ATP9B: variants seen among roughly 807,000 people sequenced by gnomAD.
The protein encoded by ATP9B is ATPase phospholipid transporting 9B.
In ATP9B, 110 loss-of-function variants were observed where a neutral mutation model predicts 146.1. The ratio of observed to expected loss-of-function variants is 0.75; its 90% CI spans 0.65 to 0.88. The LOEUF is 0.88. Among genes scored for constraint, ATP9B ranks in the 40% least tolerant of loss-of-function variants. The pLI, the probability that ATP9B is intolerant of heterozygous loss-of-function variation, is 0.00. For missense variants in ATP9B, 1,499 were observed against 1,496.4 expected, an observed-to-expected ratio of 1.00 and a Z score of -0.03; for synonymous variants, 604 against 569.7, an observed-to-expected ratio of 1.06 and a Z score of -0.86.
intron 12 of ATP9B, among the ~76,000 whole-genome samples, chr18:79,273,067 G>A (rs546059606): frequency 8.8e-4 from 134 of 152,322 alleles, no homozygotes; most frequent in African/African-American, 3.1e-3. Flanking sequence ...GCAGGTGGCC[G>A]TGCCAGTCGT....
At chr18:79,377,070 A>C (rs1309908305) in intron 29 of ATP9B, among the ~76,000 whole-genome samples, 177 bp from the exon 30 acceptor site, 1 of 152,212 alleles carries the variant, frequency 6.6e-6, no homozygotes, top group Admixed American at 6.5e-5. Flanking sequence ...TATGCAGGTC[A>C]AACAATTCTG....
intron 9 of ATP9B, among the ~76,000 whole-genome samples, chr18:79,195,838 G>C (rs2095413135): frequency 6.6e-6 from 1 of 152,196 alleles, no homozygotes; most frequent in South Asian, 2.1e-4. Context: ...AAAAGGACTA[G>C]AAGTTGATGG....
At chr18:79,174,414 T>G (rs1267935905) in intron 7 of ATP9B, among the ~76,000 whole-genome samples, 1 of 152,192 alleles carries the variant, frequency 6.6e-6, no homozygotes, top group East Asian at 1.9e-4. Flanking sequence ...TACCATAAAC[T>G]ATTGAACAGG....
intron 2 of ATP9B, among the ~76,000 whole-genome samples, chr18:79,107,500 C>T (rs191472862): frequency 3.0e-4 from 45 of 152,134 alleles, no homozygotes; most frequent in Non-Finnish European, 5.9e-4. Flanking sequence ...AGAGTGAAGA[C>T]CGAGGCCTCG....
At chr18:79,123,095 T>A (rs901168795) in intron 4 of ATP9B, among the ~76,000 whole-genome samples, 22 of 151,992 alleles carry the variant, frequency 1.4e-4, no homozygotes, top group African/African-American at 5.1e-4. Flanking sequence ...GAAAATGAAG[T>A]AAAAGGCATC....
At chr18:79,260,762 T>G (rs946005308) in intron 12 of ATP9B, among the ~76,000 whole-genome samples, 7 of 152,190 alleles carry the variant, frequency 4.6e-5, no homozygotes, top group Non-Finnish European at 1.0e-4. Context: ...AGGTCAAAAT[T>G]GGCATGAGCA....
At chr18:79,153,573 G>A (rs1299060669) in intron 6 of ATP9B, among the ~76,000 whole-genome samples, 1 of 151,990 alleles carries the variant, frequency 6.6e-6, no homozygotes, top group Non-Finnish European at 1.5e-5. Context: ...TTTTTATAAG[G>A]CAATACCTGC....
chr18:79,276,977 T>G, intron 12 of ATP9B, 77 bp from the exon 13 acceptor site: 1 of 1,558,044 alleles, frequency 6.4e-7, no homozygotes, highest in Non-Finnish European at 8.8e-7. Flanking sequence ...TGCAGTGGGT[T>G]TTATCTGGCA....
In ATP9B at chr18:79,334,737, C is replaced by T. The variant is rs559402313; in HGVS notation, c.2029-1891C>T. Among the ~76,000 whole-genome samples, 423 of 152,210 alleles carry T rather than the reference C, an allele frequency of 2.8e-3. 4 individuals are homozygous for T. The highest frequency in any genetic ancestry group is 9.6e-3 in the African/African-American group (399 of 41,522). On this transcript the variant is annotated intron_variant, in intron 17 of 29. Transcript: ENST00000426216. Reference sequence around the variant, plus strand: ...CTAAGTCCTACACACGCCTGGCCCCCAGGAGACCCACCGGCGCCCTCCCTC... The same window carrying T: ...CTAAGTCCTACACACGCCTGGCCCCTAGGAGACCCACCGGCGCCCTCCCTC...
intron 9 of ATP9B, among the ~76,000 whole-genome samples, chr18:79,198,016 T>C (rs1261102596): frequency 1.3e-5 from 2 of 152,216 alleles, no homozygotes; most frequent in East Asian, 3.8e-4. Context: ...AACAGCTACA[T>C]AATACACATT....
intron 15 of ATP9B, among the ~76,000 whole-genome samples, chr18:79,309,394 C>A (rs1336787617): frequency 7.8e-6 from 1 of 128,810 alleles, no homozygotes; most frequent in African/African-American, 3.4e-5. Flanking sequence ...AGGTCAGGGG[C>A]GGAGGAGTGA....
intron 8 of ATP9B, among the ~76,000 whole-genome samples, chr18:79,178,780 A>G (rs1425252203): frequency 2.0e-5 from 3 of 152,100 alleles, no homozygotes; most frequent in Non-Finnish European, 4.4e-5. Context: ...ATATTTTGTT[A>G]AGGATGTTTT....
intron 10 of ATP9B, among the ~76,000 whole-genome samples, chr18:79,211,725 G>A (rs1420222667): frequency 6.6e-6 from 1 of 152,124 alleles, no homozygotes; most frequent in Non-Finnish European, 1.5e-5. Context: ...GATGAATACT[G>A]GACCACCATC....
intron 6 of ATP9B, among the ~76,000 whole-genome samples, chr18:79,153,927 G>T (rs6506732): frequency 0.56 from 83,931 of 149,916 alleles, 25,172 homozygotes; most frequent in African/African-American, 0.79. Context: ...GGATTACAGG[G>T]GTGAGCCACC....
In ATP9B at chr18:79,269,735, T is replaced by C. The variant is rs144761111; in HGVS notation, c.1269-7319T>C. On this transcript the variant is annotated intron_variant, in intron 12 of 29. Transcript: ENST00000426216. ...ATTTCCTAAGACATACACACTTGCT[T>C]CTGCTGTGTACTTGGAGATACCCTC... Among the ~76,000 whole-genome samples the C allele has an allele frequency of 1.2e-3, 179 of 152,346 alleles. 2 individuals are homozygous for C. The highest frequency in any genetic ancestry group is 4.1e-3 in the African/African-American group (169 of 41,582).
At chr18:79,079,948 G>T (rs553356252) in intron 1 of ATP9B, among the ~76,000 whole-genome samples, 5 of 152,316 alleles carry the variant, frequency 3.3e-5, no homozygotes, top group African/African-American at 1.2e-4. Context: ...TTAAAGATCA[G>T]ATGGTTTTCG....
rs558370597 is a variant in ATP9B, at chr18:79,365,815, G to A, written c.3012+6353G>A. Among the ~76,000 whole-genome samples the A allele has an allele frequency of 6.7e-5, 10 of 149,936 alleles. No individual in the cohort carries two copies. In the South Asian group the frequency reaches 1.5e-3, roughly 22 times the overall value. ...ACAACTCCGTGGACGGGGACAGCCCGTGTGTGATGGAAGGACATCTCCGTG... is the reference window on the plus strand; with the variant it reads ...ACAACTCCGTGGACGGGGACAGCCCATGTGTGATGGAAGGACATCTCCGTG... On this transcript the variant is annotated intron_variant, in intron 26 of 29. Coordinates refer to ENST00000426216, the MANE Select transcript of ATP9B (RefSeq NM_198531.5).
At chr18:79,138,706 A>G (rs923670023) in intron 5 of ATP9B, among the ~76,000 whole-genome samples, 1 of 151,980 alleles carries the variant, frequency 6.6e-6, no homozygotes, top group African/African-American at 2.4e-5. Flanking sequence ...TAATGGATGG[A>G]TATTAAGATG....
intron 1 of ATP9B, among the ~76,000 whole-genome samples, chr18:79,094,742 T>C (rs893730498): frequency 6.6e-6 from 1 of 152,200 alleles, no homozygotes; most frequent in Non-Finnish European, 1.5e-5. Flanking sequence ...GAACTCTGCA[T>C]TGGATTTCAA....
Sources: allele counts gnomAD v4.1 joint callset (sites outside exome capture counted in the v4.1 genomes callset), GRCh38; gene constraint gnomAD v4.1.1; transcripts MANE v1.5; gene names NCBI Gene and HGNC (gene_info 2026-07-23, HGNC 2026-07-21).